KIF13A: variants seen among roughly 807,000 people sequenced by gnomAD.
KIF13A encodes the protein kinesin-like protein KIF13A.
In KIF13A, 79 loss-of-function variants were observed where a neutral mutation model predicts 212.2. That is an observed-to-expected ratio of 0.37 (90% CI 0.31 to 0.45). The LOEUF is 0.45. Ranked by LOEUF, KIF13A falls within the 20% of genes least tolerant of loss-of-function variation. The pLI is 1.00. For synonymous variants in KIF13A, 789 were observed against 808.6 expected (o/e 0.98, Z 0.41); for missense variants, 1,901 against 2,209.0 (o/e 0.86, Z 2.79).
chr6:17,970,563 G>A (rs1779730719), intron 2 of KIF13A, among the ~76,000 whole-genome samples: 1 of 152,158 alleles, frequency 6.6e-6, no homozygotes, highest in African/African-American at 2.4e-5. Context: ...TCAATTACCA[G>A]GTAGTTTTCT....
In KIF13A at chr6:17,773,725, G is replaced by GA; in HGVS notation, c.4219-143dup. The GA allele has an allele frequency of 2.0e-6, 1 of 491,608 alleles. No homozygotes were observed. The highest frequency in any genetic ancestry group is 3.6e-6 in the Non-Finnish European group (1 of 277,586). The allele number at this position is 491,608 out of a possible 1,614,324, so 30.5% of individuals were successfully genotyped here. On this transcript the variant is annotated intron_variant, in intron 35 of 38. Coordinates refer to ENST00000259711, the MANE Select transcript of KIF13A (RefSeq NM_022113.6). This position sits in a 1 kb window ranked among gnomAD's most constrained non-coding sequence, Gnocchi z 4.2. The stretch of plus-strand genomic sequence containing the variant: ...TATTATGATTTATTTCAAATATACA[G>GA]AAAGGGCTGAATATCGTAAAAAATA...
rs534134946 is a variant in KIF13A, at chr6:17,872,644, A to AT, written c.220+732dup. ...CTTTCATTTGCCAGTTAGAAAAATA[A>AT]TTTTTTTTTATTTTTTTGAGACAGA... On this transcript the variant is annotated intron_variant, in intron 4 of 38. Transcript: ENST00000259711. The surrounding 1 kb of genome is among the most constrained non-coding windows in gnomAD (Gnocchi z 4.7). Among the ~76,000 whole-genome samples the AT allele has an allele frequency of 7.3e-3, 1,106 of 151,878 alleles. 15 individuals are homozygous for AT. The highest frequency in any genetic ancestry group is 0.026 in the African/African-American group (1,073 of 41,404).
rs186587128 is a variant in KIF13A at position 17,967,597 on chromosome 6, C to A, written c.146+19457G>T. 1.7e-4 allele frequency among the ~76,000 whole-genome samples: 26 copies of A among 152,304 alleles called. No individual in the cohort carries two copies. The highest frequency in any genetic ancestry group is 1.2e-3 in the South Asian group (6 of 4,830). On this transcript the variant is annotated intron_variant, in intron 2 of 38. Transcript: ENST00000259711. The surrounding 1 kb of genome is among the most constrained non-coding windows in gnomAD (Gnocchi z 4.1). ...AGCAGAGATGCCTGGTTATCCATTT[C>A]CATAGTCATGATGCCCCCACACACA...
rs1311012993 is a variant in KIF13A, at chr6:17,772,054, T to C, written c.4330A>G (p.Thr1444Ala). 2 of 1,613,828 alleles carry C rather than the reference T, an allele frequency of 1.2e-6. No homozygotes were observed. The highest frequency in any genetic ancestry group is 1.7e-5 in the Admixed American group (1 of 60,016). The change falls in exon 37 of 39, where the codon ACA (threonine) becomes GCA (alanine). Residue 1444 changes from threonine (T) to alanine (A), a missense_variant. Around this residue, in one of 5 missense-constraint regions of KIF13A, gnomAD observed 687 missense variants for 759.1 expected, o/e 0.90. Coordinates refer to ENST00000259711, the MANE Select transcript of KIF13A (RefSeq NM_022113.6). This position sits in a 1 kb window ranked among gnomAD's most constrained non-coding sequence, Gnocchi z 4.8. ...GTTAAGGCATGAGGAGTCTCTGATG[T>C]ACAACCTAGGGAAGATGAGAAGTTA... ...DSPRRNKEGC[T>A]SETPHALTVS...
chr6:17,850,328 A>T lies in KIF13A; in HGVS notation c.712T>A (p.Ser238Thr). Residue 238 changes from serine to threonine, a missense_variant, in exon 8 of 39, where the codon TCT becomes ACT. Ser to Thr is a moderately conservative substitution (Grantham distance 58, BLOSUM62 1). This residue lies in a region of KIF13A where 506 missense variants were observed against 637.4 expected (regional missense o/e 0.79). Coordinates refer to ENST00000259711, the MANE Select transcript of KIF13A (RefSeq NM_022113.6). This position sits in a 1 kb window ranked among gnomAD's most constrained non-coding sequence, Gnocchi z 6.2. ...IITQTLYDLQ[S>T]GNSGEKVSKV... ...GGTTCTGCCTAATCCCTTACCCCAG[A>T]CTGCAGGTCATAAAGTGTCTGTGTG... is the stretch of plus-strand genomic sequence containing the variant. 2.5e-6 allele frequency: 4 copies of T among 1,612,546 alleles called. No individual in the cohort carries two copies. Among genetic ancestry groups the T allele is most frequent in the Non-Finnish European group, 3.4e-6 (4 of 1,179,080 alleles).
chr6:17,776,154 A>G lies in KIF13A; in HGVS notation c.4171-1092T>C, dbSNP rs567072363. Among the ~76,000 whole-genome samples the G allele has an allele frequency of 1.7e-4, 26 of 152,152 alleles. No homozygotes were observed. The highest frequency in any genetic ancestry group is 3.2e-4 in the Non-Finnish European group (22 of 68,020). On this transcript the variant is annotated intron_variant, in intron 34 of 38. Coordinates refer to ENST00000259711, the MANE Select transcript of KIF13A (RefSeq NM_022113.6). The surrounding 1 kb of genome is among the most constrained non-coding windows in gnomAD (Gnocchi z 4.6). ...CAGCCTCCCAAAGTGCTGGGATTAT[A>G]AGCGTGAGCCACCGTGCCCGATCTT...
intron 2 of KIF13A, among the ~76,000 whole-genome samples, chr6:17,975,385 T>C (rs1005336611): frequency 6.6e-6 from 1 of 152,106 alleles, no homozygotes; most frequent in African/African-American, 2.4e-5. Flanking sequence ...ATATTACAAA[T>C]CTTAAGTTGG....
intron 4 of KIF13A, among the ~76,000 whole-genome samples, chr6:17,866,240 G>C (rs1285282900): frequency 1.3e-5 from 2 of 152,166 alleles, no homozygotes; most frequent in Admixed American, 1.3e-4. Flanking sequence ...AATATTTATA[G>C]TATTTGAGGC....
chr6:17,783,628 CT>C lies in KIF13A; in HGVS notation c.3544+17del. The C allele has an allele frequency of 6.6e-7, 1 of 1,508,608 alleles. No homozygotes were observed. The highest frequency in any genetic ancestry group is 1.4e-5 in the African/African-American group (1 of 72,846). 93.5% of individuals were successfully genotyped at this position (1,508,608 alleles called of 1,614,324 possible). A position where few individuals can be genotyped will look rare whatever the true frequency, so the allele number is the denominator to read the frequency against. ...TAGTTAAATACAATAATCCCTGTGA[CT>C]TTAAGTGTCTACTTACCATTCAAAT... On this transcript the variant is annotated intron_variant, in intron 29 of 38. Transcript: ENST00000259711. This position sits in a 1 kb window ranked among gnomAD's most constrained non-coding sequence, Gnocchi z 4.3.
At chr6:17,857,990 T>C (rs1165417180) in intron 4 of KIF13A, among the ~76,000 whole-genome samples, 1 of 152,064 alleles carries the variant, frequency 6.6e-6, no homozygotes, top group East Asian at 1.9e-4. Context: ...CACATCTATG[T>C]GTAAATAATG....
chr6:17,784,747 G>A (rs1760902478), intron 28 of KIF13A, among the ~76,000 whole-genome samples: 1 of 152,154 alleles, frequency 6.6e-6, no homozygotes. Context: ...GAAGTGGCTG[G>A]CAGAATTACC....
intron 23 of KIF13A, among the ~76,000 whole-genome samples, chr6:17,795,409 C>A (rs1255507767): frequency 1.3e-5 from 2 of 150,892 alleles, no homozygotes; most frequent in Admixed American, 1.3e-4. Flanking sequence ...ATGGTGAAAC[C>A]CTGTCTCTAC....
At position 17,915,202 on chromosome 6, in the gene KIF13A, G is replaced by C. The variant is rs907389255; in HGVS notation, c.147-17022C>G. Among the ~76,000 whole-genome samples the C allele has an allele frequency of 7.9e-5, 12 of 152,192 alleles. No individual in the cohort carries two copies. The highest frequency in any genetic ancestry group is 2.9e-5 in the Non-Finnish European group (2 of 68,042). ...TAGCTGAATAATCCCTTAGGTTACA[G>C]TTGAGACACACAAACGGCCTTTTAT... On this transcript the variant is annotated intron_variant, in intron 2 of 38. Coordinates refer to ENST00000259711, the MANE Select transcript of KIF13A (RefSeq NM_022113.6). The surrounding 1 kb of genome is among the most constrained non-coding windows in gnomAD (Gnocchi z 4.4).
intron 9 of KIF13A, among the ~76,000 whole-genome samples, chr6:17,848,057 C>A (rs755033453): frequency 2.0e-5 from 3 of 152,100 alleles, no homozygotes; most frequent in Non-Finnish European, 4.4e-5. Context: ...GGTGATCCAC[C>A]CACCTCAGCC....
At chr6:17,763,490 A>AAG (rs1554157972), downstream of KIF13A, among the ~76,000 whole-genome samples, 11 of 145,056 alleles carry the variant, frequency 7.6e-5, no homozygotes, top group South Asian at 4.3e-4. Flanking sequence ...AAAAAAAAAA[A>AAG]AAAAAGAAAA....
At position 17,796,816 on chromosome 6, in the gene KIF13A, T is replaced by G. The variant is rs1275096365; in HGVS notation, c.2795A>C (p.Tyr932Ser). 1.3e-6 allele frequency: 2 copies of G among 1,543,852 alleles called. No homozygotes were observed. Among genetic ancestry groups the G allele is most frequent in the Non-Finnish European group, 8.8e-7 (1 of 1,142,100 alleles). The change falls in exon 23 of 39, where the codon TAT becomes TCT. Residue 932 changes from tyrosine to serine, a missense_variant. By Grantham distance (144) the Tyr-to-Ser change is moderately radical. Transcript: ENST00000259711. ...YTVTFSHCKD[Y>S]VVNVTEEFLE... ...AAATTCTTCTGTTACATTCACCACA[T>G]AGTCCTGGGATAAGTGGGGGAAAGC...
Position 17,924,080 on chromosome 6 carries a change from A to G in KIF13A, c.147-25900T>C, listed in dbSNP as rs372032352. ...TAAAAATACATATGTACAAGACTCT[A>G]GAATTTTAAAATTATTTTTAAAACT... is the stretch of plus-strand genomic sequence containing the variant. On this transcript the variant is annotated intron_variant, in intron 2 of 38. Coordinates refer to ENST00000259711, the MANE Select transcript of KIF13A (RefSeq NM_022113.6). Among the ~76,000 whole-genome samples the G allele has an allele frequency of 3.9e-5, 6 of 152,360 alleles. No homozygotes were observed. The South Asian group carries it at 6.2e-4, about 16-fold the overall frequency.
At position 17,779,104 on chromosome 6, in the gene KIF13A, G is replaced by A. The variant is rs6913976; in HGVS notation, c.3940-5C>T. The stretch of plus-strand genomic sequence containing the variant: ...GTCCTCTATCTCCTCAGTTGCCTAC[G>A]AGGACAGGAAGGAAGTGACAATACT... On this transcript the variant is annotated splice_region_variant and splice_polypyrimidine_tract_variant and intron_variant, in intron 32 of 38. Coordinates refer to ENST00000259711, the MANE Select transcript of KIF13A (RefSeq NM_022113.6). 6.8e-6 allele frequency: 11 copies of A among 1,613,254 alleles called. 1 individual carries two copies. In the African/African-American group the frequency reaches 1.3e-4, roughly 20 times the overall value.
chr6:17,845,701 A>G (rs1210220032), intron 9 of KIF13A, among the ~76,000 whole-genome samples: 1 of 152,190 alleles, frequency 6.6e-6, no homozygotes, highest in African/African-American at 2.4e-5. Context: ...CCTTCACTAG[A>G]CAGGTGGAGC....
Sources: allele counts gnomAD v4.1 joint callset (sites outside exome capture counted in the v4.1 genomes callset), GRCh38; gene constraint gnomAD v4.1.1; regional missense constraint gnomAD v4.1.1; non-coding constraint Gnocchi (gnomAD v3.1); transcripts MANE v1.5; gene names NCBI Gene and HGNC (gene_info 2026-07-23, HGNC 2026-07-21).